FAT4: variants seen among roughly 807,000 people sequenced by gnomAD.
The protein encoded by FAT4 is FAT atypical cadherin 4, also known as protocadherin Fat 4.
FAT4 carries 84 observed loss-of-function variants against 303.9 expected under a neutral mutation model. That is an observed-to-expected ratio of 0.28 (90% confidence interval 0.23 to 0.33). The LOEUF (loss-of-function observed/expected upper bound fraction) is 0.33, where lower values mean the gene tolerates loss of function less well. Ranked by LOEUF, FAT4 falls within the 10% of genes least tolerant of loss-of-function variation. The probability of loss-of-function intolerance (pLI) is 1.00; values close to 1 mark genes in which losing one functional copy is unlikely to be tolerated. For missense variants in FAT4, 6,005 were observed against 6,146.8 expected, an observed-to-expected ratio of 0.98 and a Z score of 0.77; for synonymous variants, 2,307 against 2,298.8, an observed-to-expected ratio of 1.00 and a Z score of -0.10.
chr4:125,418,841 T>G (rs914216855), intron 7 of FAT4, among the ~76,000 whole-genome samples: 5 of 152,184 alleles, frequency 3.3e-5, no homozygotes, highest in Admixed American at 1.3e-4. Flanking sequence ...GGTTAGGCAT[T>G]CTACTCCTAA....
intron 7 of FAT4, among the ~76,000 whole-genome samples, chr4:125,417,843 A>G (rs552845809): frequency 3.9e-5 from 6 of 152,178 alleles, no homozygotes; most frequent in Admixed American, 6.5e-5. Context: ...TTCTGAGGCC[A>G]CTGGTGGATA....
At chr4:125,422,115 T>C (rs1724923755) in intron 7 of FAT4, among the ~76,000 whole-genome samples, 1 of 152,206 alleles carries the variant, frequency 6.6e-6, no homozygotes. Context: ...GTGGAATCAG[T>C]AATTTCAATA....
intron 7 of FAT4, among the ~76,000 whole-genome samples, chr4:125,420,242 G>A (rs1288656406): frequency 6.6e-6 from 1 of 152,064 alleles, no homozygotes; most frequent in East Asian, 1.9e-4. Context: ...TATAGAGTTT[G>A]TTTACCTTAT....
intron 14 of FAT4, 32 bp from the exon 15 acceptor site, chr4:125,479,709 T>C: frequency 6.7e-7 from 1 of 1,496,684 alleles, no homozygotes; most frequent in Non-Finnish European, 9.0e-7. Flanking sequence ...ATCTTTTATG[T>C]GCGTTATTGT....
At chr4:125,432,395 C>T (rs1350035785) in intron 7 of FAT4, among the ~76,000 whole-genome samples, 1 of 152,198 alleles carries the variant, frequency 6.6e-6, no homozygotes, top group Non-Finnish European at 1.5e-5. Flanking sequence ...TTAGATAAGA[C>T]AGTTTATGTA....
At chr4:125,374,827 T>G (rs772125655) in intron 2 of FAT4, among the ~76,000 whole-genome samples, 5 of 152,136 alleles carry the variant, frequency 3.3e-5, no homozygotes, top group Non-Finnish European at 7.4e-5. Flanking sequence ...CCAGAATAAT[T>G]AAGTATTCAG....
chr4:125,315,342 T>C lies in FAT4; in HGVS notation c.-648T>C, dbSNP rs935040672. ...CACCCCCCGCCCCAAACAAAAAGCC[T>C]TGTGGATTACAAAGTGAAACTGACA... On this transcript the variant is annotated 5_prime_UTR_variant, in exon 1 of 18. Coordinates refer to ENST00000394329, the MANE Select transcript of FAT4 (RefSeq NM_001291303.3). 2.6e-5 allele frequency among the ~76,000 whole-genome samples: 4 copies of C among 152,048 alleles called. No individual in the cohort carries two copies. The highest frequency in any genetic ancestry group is 9.7e-5 in the African/African-American group (4 of 41,414).
At chr4:125,351,119 TTTG>T (rs1054679357) in intron 2 of FAT4, among the ~76,000 whole-genome samples, 1 of 151,718 alleles carries the variant, frequency 6.6e-6, no homozygotes, top group African/African-American at 2.4e-5. Flanking sequence ...ATAAAACTTT[TTTG>T]TTGTTTTTTA....
In FAT4 at chr4:125,432,491, T is replaced by G. The variant is rs574595016; in HGVS notation, c.7019-1754T>G. On this transcript the variant is annotated intron_variant, in intron 7 of 17. Coordinates refer to ENST00000394329, the MANE Select transcript of FAT4 (RefSeq NM_001291303.3). Reference sequence around the variant, plus strand: ...TTTCTTTCAATATGTTGCATGGAATTTTGACAGTCTTATTTGATGTGTTTC... The same window carrying G: ...TTTCTTTCAATATGTTGCATGGAATGTTGACAGTCTTATTTGATGTGTTTC... Among the ~76,000 whole-genome samples, 178 of 152,326 alleles carry G rather than the reference T, an allele frequency of 1.2e-3. 2 individuals carry two copies. Among genetic ancestry groups the G allele is most frequent in the South Asian group, 0.01 (49 of 4,830 alleles).
At chr4:125,331,183 G>A (rs1195942556) in intron 2 of FAT4, among the ~76,000 whole-genome samples, 14 of 152,078 alleles carry the variant, frequency 9.2e-5, no homozygotes, top group Admixed American at 9.2e-4. Context: ...CTTCCCTTTA[G>A]AATATATGTT....
At chr4:125,387,998 T>A (rs949192622) in intron 2 of FAT4, among the ~76,000 whole-genome samples, 1 of 152,204 alleles carries the variant, frequency 6.6e-6, no homozygotes, top group Non-Finnish European at 1.5e-5. Flanking sequence ...TAGGCTAGAC[T>A]CAACTAGGAA....
At chr4:125,489,629 C>T (rs536720971) in intron 17 of FAT4, among the ~76,000 whole-genome samples, 23 of 152,034 alleles carry the variant, frequency 1.5e-4, no homozygotes, top group Admixed American at 3.3e-4. Flanking sequence ...TCAGCCTGCC[C>T]AAGTCATTCA....
At chr4:125,397,109 AAG>A (rs1239070590) in intron 2 of FAT4, among the ~76,000 whole-genome samples, 1 of 151,988 alleles carries the variant, frequency 6.6e-6, no homozygotes, top group Non-Finnish European at 1.5e-5. Context: ...CTCTGGCTCT[AAG>A]AAGCTTCCAG....
chr4:125,415,615 G>C lies in FAT4; in HGVS notation c.6652G>C (p.Asp2218His), dbSNP rs752738206. The stretch of plus-strand genomic sequence containing the variant: ...TGCCATCACTGTCGCTAAACCTTTG[G>C]ATAGAGAAAAGACCCCTACCTACCA... Reference protein sequence around the residue: ...TGAITVAKPLDREKTPTYHLT... With the variant: ...TGAITVAKPLHREKTPTYHLT... The change falls in exon 6 of 18, where the codon GAT becomes CAT. Residue 2218 changes from aspartate to histidine, a missense_variant. Physicochemically the swap from Asp to His is moderately conservative, Grantham distance 81 (BLOSUM62 -1). Coordinates refer to ENST00000394329, the MANE Select transcript of FAT4 (RefSeq NM_001291303.3). The C allele has an allele frequency of 1.2e-6, 2 of 1,613,952 alleles. No homozygotes were observed. The highest frequency in any genetic ancestry group is 3.3e-5 in the Admixed American group (2 of 59,986).
rs1417751639 is a variant in FAT4 at position 125,452,177 on chromosome 4, A to T, written c.11167A>T (p.Thr3723Ser). The T allele has an allele frequency of 6.2e-7, 1 of 1,614,248 alleles. No individual in the cohort carries two copies. The highest frequency in any genetic ancestry group is 8.5e-7 in the Non-Finnish European group (1 of 1,180,042). The change falls in exon 10 of 18, where the codon ACA becomes TCA. Residue 3723 changes from threonine to serine, a missense_variant. Transcript: ENST00000394329. ...CATCTTACTTCGTCTCGGCGTACCA[A>T]CAGTAAAGGACTTCTTGACCAACCA... ...NSILLRLGVP[T>S]VKDFLTNHYL...
rs968703784 is a variant in FAT4, at chr4:125,458,785, C to T, written c.11801-4778C>T. On this transcript the variant is annotated intron_variant, in intron 10 of 17. Transcript: ENST00000394329. ...TTGTTTTACAAGACAAAGGTAAAAA[C>T]TTTTTTTGGTTGTTGCTTTTGTTAC... Among the ~76,000 whole-genome samples the T allele has an allele frequency of 2.6e-5, 4 of 151,886 alleles. No homozygotes were observed. In the South Asian group the frequency reaches 6.2e-4, roughly 24 times the overall value.
At chr4:125,399,035 C>A in intron 3 of FAT4, 120 bp downstream of exon 3, 2 of 799,672 alleles carry the variant, frequency 2.5e-6, no homozygotes, top group Admixed American at 2.5e-5. Context: ...GTGCTCCTTT[C>A]CAAAGAACAT....
At position 125,413,936 on chromosome 4, in the gene FAT4, C is replaced by A. The variant is rs1338167538; in HGVS notation, c.5921-948C>A. 2.0e-5 allele frequency among the ~76,000 whole-genome samples: 3 copies of A among 151,984 alleles called. No individual in the cohort carries two copies. In the East Asian group the frequency reaches 5.8e-4, roughly 29 times the overall value. ...TATTTGCTAGTCCCAGAATATACAT[C>A]TTTATTAAAGATAGATTACCTGGAT... On this transcript the variant is annotated intron_variant, in intron 5 of 17. Transcript: ENST00000394329.
At chr4:125,466,386 T>G (rs1027679615) in intron 11 of FAT4, among the ~76,000 whole-genome samples, 2 of 151,982 alleles carry the variant, frequency 1.3e-5, no homozygotes, top group Non-Finnish European at 2.9e-5. Flanking sequence ...TTGTTATAGA[T>G]TTATTGAAGT....
Sources: gnomAD v4.1 joint callset for allele counts (sites outside exome capture counted in the v4.1 genomes callset) on GRCh38, gnomAD v4.1.1 for gene constraint, MANE v1.5 for transcripts, NCBI Gene and HGNC (gene_info 2026-07-23, HGNC 2026-07-21) for gene names.